The following ETNK1 variants were observed in gnomAD, a reference collection of about 807,000 sequenced individuals.
ETNK1 encodes the protein putative protein product of Nbla10396.
A neutral mutation model predicts 45.1 loss-of-function variants in ETNK1; 8 were observed. The ratio of observed to expected loss-of-function variants is 0.18; its 90% confidence interval spans 0.10 to 0.32. The LOEUF (loss-of-function observed/expected upper bound fraction) is 0.32, where lower values mean the gene tolerates loss of function less well. Ranked by LOEUF, ETNK1 falls within the 10% of genes least tolerant of loss-of-function variation. The pLI, the probability that ETNK1 is intolerant of heterozygous loss-of-function variation, is 1.00. For synonymous variants in ETNK1, 152 were observed against 151.9 expected (o/e 1.00, Z -0.01); for missense variants, 302 against 430.6 (o/e 0.70, Z 2.64).
intron 4 of ETNK1, among the ~76,000 whole-genome samples, chr12:22,667,973 GT>G (rs1156768018): frequency 6.6e-6 from 1 of 152,152 alleles, no homozygotes; most frequent in Non-Finnish European, 1.5e-5. Context: ...CAAAATGTAG[GT>G]TTGGAAAATT....
At chr12:22,633,503 C>T (rs1292474843) in intron 1 of ETNK1, among the ~76,000 whole-genome samples, 7 of 152,254 alleles carry the variant, frequency 4.6e-5, no homozygotes, top group East Asian at 3.9e-4. Context: ...CAGCTTTGTT[C>T]GTTTTTAAGA....
At chr12:22,671,817 C>T (rs11046529) in intron 5 of ETNK1, among the ~76,000 whole-genome samples, 6,115 of 130,216 alleles carry the variant, frequency 0.047, 452 homozygotes, top group African/African-American at 0.17. Flanking sequence ...CCAGCCTGGG[C>T]GATAGAGCAA....
At chr12:22,679,398 C>T (rs556501316) in intron 6 of ETNK1, among the ~76,000 whole-genome samples, 1 of 152,294 alleles carries the variant, frequency 6.6e-6, no homozygotes, top group Admixed American at 6.5e-5. Context: ...CCTTCTTCTG[C>T]CTGCTTTGTT....
rs144027526 is a variant in ETNK1 at position 22,671,568 on chromosome 12, G to A, written c.784+213G>A. 3.5e-4 allele frequency among the ~76,000 whole-genome samples: 54 copies of A among 152,248 alleles called. 1 individual carries two copies. In the East Asian group the frequency reaches 0.01, roughly 29 times the overall value. On this transcript the variant is annotated intron_variant, in intron 5 of 7. Coordinates refer to ENST00000266517, the MANE Select transcript of ETNK1 (RefSeq NM_018638.5). ...AGAAAGTAATAGGTGGCCGGGCGCG[G>A]TGGCTCACGCCTGTAATCCCAGCAC... is the stretch of plus-strand genomic sequence containing the variant.
chr12:22,625,856 C>A, intron 1 of ETNK1: 1 of 678,914 alleles, frequency 1.5e-6, no homozygotes, highest in Non-Finnish European at 2.7e-6. Context: ...GGGGGAGATT[C>A]CTGCTGATAG....
At chr12:22,651,576 C>A (rs1395515751) in intron 2 of ETNK1, among the ~76,000 whole-genome samples, 1 of 151,948 alleles carries the variant, frequency 6.6e-6, no homozygotes, top group Non-Finnish European at 1.5e-5. Context: ...ACCATCTTAA[C>A]CATTTTTTAA....
intron 1 of ETNK1, among the ~76,000 whole-genome samples, chr12:22,642,711 TTC>T (rs1404734451): frequency 2.6e-5 from 4 of 152,052 alleles, no homozygotes; most frequent in Admixed American, 2.0e-4. Flanking sequence ...CTTTTAAAAC[TTC>T]TGTTCTTTTT....
chr12:22,656,764 ATAT>A, intron 2 of ETNK1: 1 of 982,050 alleles, frequency 1.0e-6, no homozygotes, highest in East Asian at 1.1e-4. Flanking sequence ...ATTAGAAATG[ATAT>A]TATTTTTCAT....
chr12:22,633,365 G>A (rs1317064790), intron 1 of ETNK1, among the ~76,000 whole-genome samples: 2 of 152,122 alleles, frequency 1.3e-5, no homozygotes, highest in Admixed American at 1.3e-4. Context: ...CACCGCACCC[G>A]GCCTGTTCTT....
At chr12:22,664,238 TA>T (rs1954033617) in intron 4 of ETNK1, among the ~76,000 whole-genome samples, 1 of 152,014 alleles carries the variant, frequency 6.6e-6, no homozygotes, top group South Asian at 2.1e-4. Context: ...TGTTTGCATT[TA>T]ATATGCAAAT....
chr12:22,678,094 T>G (rs1251711401), intron 6 of ETNK1, among the ~76,000 whole-genome samples: 1 of 152,176 alleles, frequency 6.6e-6, no homozygotes, highest in Non-Finnish European at 1.5e-5. Flanking sequence ...TTCTATATCT[T>G]CTTTTTAGCT....
At chr12:22,633,726 C>T (rs7954762) in intron 1 of ETNK1, among the ~76,000 whole-genome samples, 5 of 147,536 alleles carry the variant, frequency 3.4e-5, no homozygotes, top group Admixed American at 2.0e-4. Context: ...GGAGATCTCA[C>T]GTGTTTTATT....
intron 1 of ETNK1, chr12:22,625,911 A>C (rs1592106452): frequency 1.7e-6 from 1 of 600,234 alleles, no homozygotes. Flanking sequence ...TGCAAAATGA[A>C]CCTTTCCACT....
intron 6 of ETNK1, among the ~76,000 whole-genome samples, chr12:22,677,735 C>T (rs145385684): frequency 1.2e-3 from 175 of 152,172 alleles, no homozygotes; most frequent in African/African-American, 4.1e-3. Flanking sequence ...ATCCCTTGTA[C>T]GTTGTATTCC....
At chr12:22,678,121 C>T (rs1370093927) in intron 6 of ETNK1, among the ~76,000 whole-genome samples, 2 of 152,170 alleles carry the variant, frequency 1.3e-5, no homozygotes, top group African/African-American at 2.4e-5. Flanking sequence ...TTACCTTCCT[C>T]TCTTACCAAC....
intron 6 of ETNK1, 121 bp downstream of exon 6, chr12:22,673,781 T>C (rs1314317935): frequency 3.0e-6 from 3 of 1,004,342 alleles, no homozygotes; most frequent in East Asian, 5.1e-5. Flanking sequence ...CAAAATAATG[T>C]AAATACATGA....
chr12:22,659,300 C>A, intron 3 of ETNK1, 146 bp downstream of exon 3: 1 of 833,826 alleles, frequency 1.2e-6, no homozygotes, highest in African/African-American at 1.7e-5. Flanking sequence ...CTTTGGCTGT[C>A]AGATAGCACT....
At chr12:22,659,204 T>C (rs771590942) in intron 3 of ETNK1, 50 bp downstream of exon 3, 2 of 1,533,646 alleles carry the variant, frequency 1.3e-6, no homozygotes, top group South Asian at 2.4e-5. Context: ...CTTTGCTCTA[T>C]GATAGGGTTT....
rs1954294235 is a variant in ETNK1 at position 22,690,394 on chromosome 12, T to C, written c.*5440T>C. 1 of 152,510 alleles carries C rather than the reference T, an allele frequency of 6.6e-6. No individual in the cohort carries two copies. Among genetic ancestry groups the C allele is most frequent in the South Asian group, 2.1e-4 (1 of 4,834 alleles). 9.4% of individuals were successfully genotyped at this position (152,510 alleles called of 1,614,324 possible). A position where few individuals can be genotyped will look rare whatever the true frequency, so the allele number is the denominator to read the frequency against. ...TTACTACTGTTAATTTAAATAAAAT[T>C]TGTTCTGTGGATAAAATGAGGTTGG... On this transcript the variant is annotated 3_prime_UTR_variant, in exon 8 of 8. Coordinates refer to ENST00000266517, the MANE Select transcript of ETNK1 (RefSeq NM_018638.5).
Sources: allele counts gnomAD v4.1 joint callset (sites outside exome capture counted in the v4.1 genomes callset), GRCh38; gene constraint gnomAD v4.1.1; transcripts MANE v1.5; gene names NCBI Gene and HGNC (gene_info 2026-07-23, HGNC 2026-07-21).